Variants in TTC7A observed in about 807,000 individuals in gnomAD.
The protein encoded by TTC7A is tetratricopeptide repeat protein 7A.
TTC7A carries 110 observed loss-of-function variants against 103.7 expected under a neutral mutation model. That is an observed-to-expected ratio of 1.06 (90% CI 0.91 to 1.24). The LOEUF (loss-of-function observed/expected upper bound fraction) is 1.24. Ranked by LOEUF, TTC7A falls within the 50% of genes most tolerant of loss-of-function variation. The probability of loss-of-function intolerance (pLI) is 0.00; values close to 1 mark genes in which losing one functional copy is unlikely to be tolerated. For synonymous variants in TTC7A, 521 were observed against 467.9 expected (o/e 1.11, Z -1.47); for missense variants, 1,340 against 1,116.3 (o/e 1.20, Z -2.86).
rs1364770432 is a variant in TTC7A, at chr2:46,994,449, G to T, written c.936G>T (p.Met312Ile). Residue 312 changes from methionine (M) to isoleucine (I), a missense_variant, in exon 7 of 20, where the codon ATG becomes ATT. Transcript: ENST00000319190. ...TGTCCCACCCTCTGCCTGAGTTCAT[G>T]GGCAAGGAGGAGAGTTCTTTCGCCA... is the stretch of plus-strand genomic sequence containing the variant. ...SPLSHPLPEF[M>I]GKEESSFATQ... is the part of the protein sequence containing the mutation. 6.2e-7 allele frequency: 1 copy of T among 1,613,958 alleles called. No individual in the cohort carries two copies. Among genetic ancestry groups the T allele is most frequent in the Non-Finnish European group, 8.5e-7 (1 of 1,179,984 alleles).
intron 1 of TTC7A, among the ~76,000 whole-genome samples, chr2:46,948,594 T>A (rs1313807471): frequency 1.3e-5 from 2 of 152,204 alleles, no homozygotes; most frequent in Non-Finnish European, 2.9e-5. Flanking sequence ...GAATCTCCCT[T>A]ACGGTGAGAG....
chr2:47,054,562 G>A (rs981846782), intron 18 of TTC7A, among the ~76,000 whole-genome samples: 1 of 152,170 alleles, frequency 6.6e-6, no homozygotes, highest in Non-Finnish European at 1.5e-5. Context: ...GCCGGGTGCG[G>A]TGGCTCATGC....
intron 11 of TTC7A, 137 bp downstream of exon 11, chr2:47,011,572 G>A: frequency 3.0e-6 from 2 of 666,926 alleles, no homozygotes; most frequent in Admixed American, 6.0e-5. Flanking sequence ...AGATGGGCCT[G>A]GGCAGGGAGA....
intron 4 of TTC7A, among the ~76,000 whole-genome samples, chr2:46,976,199 A>C (rs565278559): frequency 6.6e-6 from 1 of 152,230 alleles, no homozygotes; most frequent in African/African-American, 2.4e-5. Flanking sequence ...TCTATAATTT[A>C]ACCCTCACAC....
chr2:47,060,982 G>A lies in TTC7A; in HGVS notation c.2355+11G>A, dbSNP rs1421747577. ...ATCATGCATAGCCTGGTGAGTCAGA[G>A]CCCCCCGCGCTCCCACCACCTCCTC... On this transcript the variant is annotated intron_variant, in intron 19 of 19. Coordinates refer to ENST00000319190, the MANE Select transcript of TTC7A (RefSeq NM_020458.4). The A allele has an allele frequency of 4.4e-6, 7 of 1,583,302 alleles. No individual in the cohort carries two copies. The highest frequency in any genetic ancestry group is 6.0e-6 in the Non-Finnish European group (7 of 1,162,942).
chr2:46,922,770 C>T (rs1430437034), intron 2 of TTC7A, among the ~76,000 whole-genome samples: 2 of 152,104 alleles, frequency 1.3e-5, no homozygotes, highest in Non-Finnish European at 2.9e-5. Context: ...GGAGGAAGCA[C>T]ATCAATTCTG....
intron 2 of TTC7A, among the ~76,000 whole-genome samples, chr2:46,929,530 T>C (rs542421093): frequency 5.3e-5 from 8 of 152,108 alleles, no homozygotes; most frequent in Admixed American, 2.0e-4. Context: ...CTAAATAACA[T>C]GTAGGTCAAA....
At position 46,976,666 on chromosome 2, in the gene TTC7A, T is replaced by A. The variant is rs139196388; in HGVS notation, c.648+1563T>A. Reference sequence around the variant, plus strand: ...TTTGGGGCTGGAGAATTCTTTGTTGTTGGTGAGGGCGGGGGGCTGCCGTGT... The same window carrying A: ...TTTGGGGCTGGAGAATTCTTTGTTGATGGTGAGGGCGGGGGGCTGCCGTGT... On this transcript the variant is annotated intron_variant, in intron 4 of 19. Transcript: ENST00000319190. Among the ~76,000 whole-genome samples, 162 of 152,338 alleles carry A rather than the reference T, an allele frequency of 1.1e-3. 7 individuals carry two copies. In the East Asian group the frequency reaches 0.025, roughly 23 times the overall value.
intron 15 of TTC7A, among the ~76,000 whole-genome samples, chr2:47,031,974 T>G (rs1680589572): frequency 6.6e-6 from 1 of 152,208 alleles, no homozygotes. Flanking sequence ...CCCAGGCTCT[T>G]GGACTGGGCT....
chr2:46,959,873 G>C (rs986738618), intron 3 of TTC7A, among the ~76,000 whole-genome samples: 5 of 152,198 alleles, frequency 3.3e-5, no homozygotes, highest in African/African-American at 9.7e-5. Context: ...GTGTATATAA[G>C]GTGTGGGGGA....
intron 2 of TTC7A, 67 bp downstream of exon 2, chr2:46,950,593 C>T: frequency 6.5e-7 from 1 of 1,537,512 alleles, no homozygotes; most frequent in Non-Finnish European, 8.8e-7. Flanking sequence ...TCTGTCCAGT[C>T]CTCCCTGAGT....
At chr2:47,044,333 CA>C (rs1485209007) in intron 15 of TTC7A, among the ~76,000 whole-genome samples, 1 of 152,200 alleles carries the variant, frequency 6.6e-6, no homozygotes, top group Non-Finnish European at 1.5e-5. Context: ...CGAAGGCAGC[CA>C]TTGTGTTTTC....
chr2:47,071,593 A>G (rs1304179027), intron 19 of TTC7A, among the ~76,000 whole-genome samples: 1 of 152,222 alleles, frequency 6.6e-6, no homozygotes, highest in Non-Finnish European at 1.5e-5. Context: ...GCTCAGAGAA[A>G]GTTGGCCATT....
At chr2:47,014,554 T>A (rs536600016) in intron 11 of TTC7A, among the ~76,000 whole-genome samples, 1 of 152,248 alleles carries the variant, frequency 6.6e-6, no homozygotes, top group East Asian at 1.9e-4. Context: ...CCAGAGTGGG[T>A]CAGCCCTGTA....
intron 18 of TTC7A, among the ~76,000 whole-genome samples, chr2:47,058,244 G>A (rs1352568809): frequency 6.6e-6 from 1 of 152,316 alleles, no homozygotes; most frequent in Middle Eastern, 3.4e-3. Context: ...CAGGAAGCCT[G>A]GCTTCTCTGT....
intron 5 of TTC7A, among the ~76,000 whole-genome samples, chr2:46,982,159 G>C (rs992631679): frequency 2.6e-5 from 4 of 152,186 alleles, no homozygotes; most frequent in African/African-American, 7.2e-5. Flanking sequence ...GATCGCTTGA[G>C]TCCAGGAGTT....
intron 4 of TTC7A, 140 bp from the exon 5 acceptor site, chr2:46,978,652 G>T: frequency 3.5e-6 from 2 of 576,992 alleles, no homozygotes; most frequent in Non-Finnish European, 6.3e-6. Context: ...AAGCGAGTTA[G>T]ATCAAGCCTG....
intron 3 of TTC7A, among the ~76,000 whole-genome samples, chr2:46,957,815 T>C (rs1393783276): frequency 6.6e-6 from 1 of 152,202 alleles, no homozygotes; most frequent in Admixed American, 6.5e-5. Context: ...CTTGGATGTT[T>C]GATCGTCTCC....
chr2:47,053,530 T>TTTG, intron 18 of TTC7A, among the ~76,000 whole-genome samples: 1 of 138,850 alleles, frequency 7.2e-6, no homozygotes, highest in Non-Finnish European at 1.6e-5. Flanking sequence ...TGGTGGGTTT[T>TTTG]TTTGTTTGTT....
Sources: allele counts gnomAD v4.1 joint callset (sites outside exome capture counted in the v4.1 genomes callset), GRCh38; gene constraint gnomAD v4.1.1; transcripts MANE v1.5; gene names NCBI Gene and HGNC (gene_info 2026-07-23, HGNC 2026-07-21).